Variants in SPIRE1 observed in about 807,000 individuals in gnomAD.
SPIRE1 encodes the protein spire type actin nucleation factor 1.
In SPIRE1, 40 loss-of-function variants were observed where a neutral mutation model predicts 94.1. The ratio of observed to expected loss-of-function variants is 0.43; its 90% CI spans 0.33 to 0.55. The LOEUF is 0.55. SPIRE1 is among the 20% of genes least tolerant of loss of function. The pLI is 0.06. For synonymous variants in SPIRE1, 376 were observed against 371.7 expected (o/e 1.01, Z -0.13); for missense variants, 838 against 975.2 (o/e 0.86, Z 1.87).
At chr18:12,550,499 G>C (rs1179909109) in intron 2 of SPIRE1, among the ~76,000 whole-genome samples, 1 of 152,092 alleles carries the variant, frequency 6.6e-6, no homozygotes, top group Non-Finnish European at 1.5e-5. Context: ...GAGTAGCTGG[G>C]ACTACAGGTG....
chr18:12,519,045 T>C (rs1019863017), intron 4 of SPIRE1, among the ~76,000 whole-genome samples: 2 of 152,222 alleles, frequency 1.3e-5, no homozygotes, highest in African/African-American at 2.4e-5. Flanking sequence ...TCAAACTTTA[T>C]GGTGCATTCT....
chr18:12,479,159 AT>A (rs61059172), intron 10 of SPIRE1, among the ~76,000 whole-genome samples: 53,794 of 143,704 alleles, frequency 0.37, 12,528 homozygotes, highest in African/African-American at 0.67. Context: ...ACATATATGT[AT>A]TTTTTTTTTC....
At chr18:12,457,751 C>G (rs534936641) in intron 12 of SPIRE1, among the ~76,000 whole-genome samples, 1 of 151,032 alleles carries the variant, frequency 6.6e-6, no homozygotes, top group South Asian at 2.1e-4. Context: ...CAAGAGGGGT[C>G]AGTTAGGCAG....
upstream of SPIRE1, chr18:12,658,446 G>T (rs1055501449): frequency 7.2e-6 from 3 of 414,802 alleles, no homozygotes; most frequent in African/African-American, 6.2e-5. Flanking sequence ...CGGTCGGGGG[G>T]CGCAGGGGCA....
At chr18:12,564,876 G>A (rs1284157228) in intron 2 of SPIRE1, among the ~76,000 whole-genome samples, 1 of 151,942 alleles carries the variant, frequency 6.6e-6, no homozygotes, top group Non-Finnish European at 1.5e-5. Context: ...AACAAAGACT[G>A]GGGAAAAACA....
At chr18:12,592,220 T>A (rs941995359) in intron 2 of SPIRE1, among the ~76,000 whole-genome samples, 5 of 152,068 alleles carry the variant, frequency 3.3e-5, no homozygotes, top group African/African-American at 7.2e-5. Context: ...AAAAAAAGAG[T>A]TCACCAGGAT....
chr18:12,449,196 T>C lies in SPIRE1; in HGVS notation c.*442A>G. The C allele has an allele frequency of 2.4e-5, 4 of 165,724 alleles. No individual in the cohort carries two copies. The highest frequency in any genetic ancestry group is 1.7e-4 in the South Asian group (1 of 6,018). 10.3% of individuals were successfully genotyped at this position (165,724 alleles called of 1,614,324 possible). On this transcript the variant is annotated 3_prime_UTR_variant, in exon 17 of 17. Coordinates refer to ENST00000409402, the MANE Select transcript of SPIRE1 (RefSeq NM_001128626.2). Reference sequence around the variant, plus strand: ...TGGAGTGTAGGGCTCTGGATCTCTCTGTACACGGGATAGAAACACAGTCAC... The same window carrying C: ...TGGAGTGTAGGGCTCTGGATCTCTCCGTACACGGGATAGAAACACAGTCAC...
Position 12,545,862 on chromosome 18 carries a change from A to G in SPIRE1, c.603+812T>C, listed in dbSNP as rs75109826. The stretch of plus-strand genomic sequence containing the variant: ...TAATGCCCAGTCAAGCTGATACATG[A>G]CATGTAATGATAAGGGGTATATAAT... On this transcript the variant is annotated intron_variant, in intron 3 of 16. Transcript: ENST00000409402. 1.3e-3 allele frequency among the ~76,000 whole-genome samples: 198 copies of G among 152,312 alleles called. 3 individuals carry two copies. The East Asian group carries it at 0.031, about 24-fold the overall frequency.
intron 1 of SPIRE1, among the ~76,000 whole-genome samples, chr18:12,646,080 T>G (rs906076713): frequency 3.3e-5 from 5 of 152,320 alleles, no homozygotes; most frequent in Middle Eastern, 3.4e-3. Context: ...GCTTTTGGCA[T>G]GGGGAAGTGG....
intron 1 of SPIRE1, 100 bp downstream of exon 1, chr18:12,657,430 G>A (rs371514996): frequency 1.0e-6 from 1 of 989,690 alleles, no homozygotes; most frequent in Admixed American, 4.4e-5. Context: ...GCAAAATGGG[G>A]GGGGACGGCG....
At chr18:12,526,999 C>A (rs572612011) in intron 4 of SPIRE1, among the ~76,000 whole-genome samples, 2 of 152,252 alleles carry the variant, frequency 1.3e-5, no homozygotes, top group Non-Finnish European at 2.9e-5. Flanking sequence ...TGAGCTACTG[C>A]GCCTGGCCAC....
chr18:12,632,881 C>T (rs149528810), intron 2 of SPIRE1, among the ~76,000 whole-genome samples: 40 of 152,130 alleles, frequency 2.6e-4, no homozygotes, highest in Non-Finnish European at 3.8e-4. Flanking sequence ...TATAATAAAA[C>T]GATAATTAGA....
At chr18:12,453,235 G>A in intron 13 of SPIRE1, 97 bp from the exon 14 acceptor site, 1 of 745,236 alleles carries the variant, frequency 1.3e-6, no homozygotes, top group Non-Finnish European at 2.2e-6. Flanking sequence ...TATAGGGGAA[G>A]CTGAACAGAC....
rs1460614061 is a variant in SPIRE1 at position 12,447,864 on chromosome 18, G to A, written c.*1774C>T. 6.6e-6 allele frequency: 1 copy of A among 152,102 alleles called. No homozygotes were observed. Among genetic ancestry groups the A allele is most frequent in the African/African-American group, 2.4e-5 (1 of 41,408 alleles). The allele number at this position is 152,102 out of a possible 1,614,324, so 9.4% of individuals were successfully genotyped here. ...ATTTCCTTCCCCCTTGTGCCCTTCT[G>A]GGTAGTCATTTTAAAAACTCAAGCC... On this transcript the variant is annotated 3_prime_UTR_variant, in exon 17 of 17. Coordinates refer to ENST00000409402, the MANE Select transcript of SPIRE1 (RefSeq NM_001128626.2).
At chr18:12,653,718 C>G (rs902537382) in intron 1 of SPIRE1, among the ~76,000 whole-genome samples, 5 of 152,138 alleles carry the variant, frequency 3.3e-5, no homozygotes, top group African/African-American at 1.2e-4. Flanking sequence ...GAGGCCAAGG[C>G]TGGTGGATCA....
intron 12 of SPIRE1, among the ~76,000 whole-genome samples, chr18:12,458,507 G>A (rs1391714780): frequency 2.0e-5 from 3 of 151,956 alleles, no homozygotes; most frequent in Middle Eastern, 3.2e-3. Flanking sequence ...CCAGCTACTC[G>A]GGAGGCTAAG....
intron 10 of SPIRE1, among the ~76,000 whole-genome samples, chr18:12,476,564 A>AAAAAAT (rs1568194404): frequency 2.9e-5 from 2 of 69,840 alleles, no homozygotes; most frequent in Non-Finnish European, 4.7e-5. Context: ...AAAAAAAAAA[A>AAAAAAT]ATATATATAT....
At chr18:12,645,920 A>T (rs1349654351) in intron 1 of SPIRE1, among the ~76,000 whole-genome samples, 1 of 152,096 alleles carries the variant, frequency 6.6e-6, no homozygotes, top group Non-Finnish European at 1.5e-5. Context: ...AGGCACAGGG[A>T]ACACCCACTA....
intron 16 of SPIRE1, chr18:12,450,881 G>A: frequency 1.4e-6 from 1 of 719,638 alleles, no homozygotes; most frequent in Non-Finnish European, 2.5e-6. Context: ...CACTAAGGCG[G>A]CAAAGCTGAA....
Sources: gnomAD v4.1 joint callset for allele counts (sites outside exome capture counted in the v4.1 genomes callset) on GRCh38, gnomAD v4.1.1 for gene constraint, MANE v1.5 for transcripts, NCBI Gene and HGNC (gene_info 2026-07-23, HGNC 2026-07-21) for gene names.